NLGN1: variants seen among roughly 807,000 people sequenced by gnomAD.
NLGN1 encodes the protein neuroligin 1.
A neutral mutation model predicts 65.5 loss-of-function variants in NLGN1; 12 were observed. The observed-to-expected ratio is 0.18, with a 90% CI of 0.12 to 0.30. The LOEUF is 0.30. Ranked by LOEUF, NLGN1 falls within the 10% of genes least tolerant of loss-of-function variation. The pLI, the probability that NLGN1 is intolerant of heterozygous loss-of-function variation, is 1.00. For missense variants in NLGN1, 750 were observed against 1,007.1 expected, an observed-to-expected ratio of 0.74 and a Z score of 3.46; for synonymous variants, 350 against 359.5, an observed-to-expected ratio of 0.97 and a Z score of 0.30.
At chr3:173,432,379 G>T (rs1409761879) in intron 1 of NLGN1, among the ~76,000 whole-genome samples, 1 of 152,134 alleles carries the variant, frequency 6.6e-6, no homozygotes, top group Non-Finnish European at 1.5e-5. Context: ...CCACCTCCTT[G>T]CCAGCATTTA....
chr3:174,181,653 G>A (rs964184965), intron 4 of NLGN1, among the ~76,000 whole-genome samples: 7 of 152,014 alleles, frequency 4.6e-5, no homozygotes, highest in Non-Finnish European at 1.0e-4. Context: ...AGTCAGCCGG[G>A]CTCAGTGGCT....
Position 173,585,602 on chromosome 3 carries a change from TG to T in NLGN1, c.-320-18676del, listed in dbSNP as rs140002637. On this transcript the variant is annotated intron_variant, in intron 2 of 6. Coordinates refer to ENST00000457714, the Ensembl canonical transcript of NLGN1. ...GGGTGGCTGGCCACACATGTTGTCT[TG>T]TAATTCACTTGCACGACTTTCCATA... 4.3e-3 allele frequency among the ~76,000 whole-genome samples: 648 copies of T among 152,302 alleles called. 5 individuals carry two copies. The highest frequency in any genetic ancestry group is 0.015 in the African/African-American group (606 of 41,564).
intron 2 of NLGN1, among the ~76,000 whole-genome samples, chr3:173,542,120 A>G (rs1406849210): frequency 6.6e-6 from 1 of 151,924 alleles, no homozygotes; most frequent in Non-Finnish European, 1.5e-5. Flanking sequence ...TATTTTTAAT[A>G]TAATTGGTTT....
chr3:173,428,732 C>T (rs533339261), intron 1 of NLGN1, among the ~76,000 whole-genome samples: 1 of 151,994 alleles, frequency 6.6e-6, no homozygotes, highest in South Asian at 2.1e-4. Context: ...TTGCCTTTTC[C>T]ATTGTTTTAT....
intron 4 of NLGN1, among the ~76,000 whole-genome samples, chr3:174,053,874 A>T (rs796490396): frequency 2.6e-5 from 4 of 152,124 alleles, no homozygotes; most frequent in African/African-American, 9.6e-5. Context: ...CTTATATTGA[A>T]TATATTCCCT....
intron 4 of NLGN1, among the ~76,000 whole-genome samples, chr3:174,073,329 G>A (rs1295367720): frequency 1.3e-5 from 2 of 152,044 alleles, no homozygotes; most frequent in Non-Finnish European, 2.9e-5. Context: ...GATTAGCTAA[G>A]AGGTTATGCT....
intron 4 of NLGN1, among the ~76,000 whole-genome samples, chr3:174,180,049 AAG>A (rs2152745225): frequency 6.6e-6 from 1 of 152,260 alleles, no homozygotes; most frequent in South Asian, 2.1e-4. Flanking sequence ...AGTAAAATAA[AAG>A]AGCTGTCAAG....
chr3:173,564,216 C>T lies in NLGN1; in HGVS notation c.-320-40063C>T, dbSNP rs74678193. 0.01 allele frequency among the ~76,000 whole-genome samples: 1,569 copies of T among 152,322 alleles called. 37 individuals are homozygous for T. In the East Asian group the frequency reaches 0.1, roughly 10 times the overall value. ...GTTAGCTTTCTCATCACACCTTCCA[C>T]GTGTTGTAGGCACAGGTTTCCGTTA... On this transcript the variant is annotated intron_variant, in intron 2 of 6. Coordinates refer to ENST00000457714, the Ensembl canonical transcript of NLGN1.
At chr3:174,170,161 A>C (rs1308296088) in intron 4 of NLGN1, among the ~76,000 whole-genome samples, 2 of 151,854 alleles carry the variant, frequency 1.3e-5, no homozygotes, top group African/African-American at 4.8e-5. Context: ...ATCTTTATGT[A>C]CTATCTTGCT....
chr3:173,423,465 G>T (rs190532720), intron 1 of NLGN1, among the ~76,000 whole-genome samples: 11 of 152,238 alleles, frequency 7.2e-5, no homozygotes, highest in Admixed American at 5.2e-4. Flanking sequence ...TCAAAAGCAA[G>T]TTAGTTACCT....
chr3:173,808,862 A>G (rs1717257781), intron 4 of NLGN1, among the ~76,000 whole-genome samples: 1 of 152,180 alleles, frequency 6.6e-6, no homozygotes, highest in African/African-American at 2.4e-5. Context: ...GTAGTATCAT[A>G]TCTTTTATCC....
chr3:173,444,974 A>AT (rs397726915), intron 2 of NLGN1, among the ~76,000 whole-genome samples: 1 of 151,512 alleles, frequency 6.6e-6, no homozygotes, highest in Non-Finnish European at 1.5e-5. Context: ...TAAAAAAAAA[A>AT]CAAGGACTTG....
chr3:173,756,357 A>G (rs1455707845), intron 3 of NLGN1, among the ~76,000 whole-genome samples: 2 of 151,916 alleles, frequency 1.3e-5, no homozygotes, highest in Non-Finnish European at 2.9e-5. Context: ...TGAAGAGAAA[A>G]ACAAGTCATG....
chr3:173,668,791 T>A (rs1199508687), intron 3 of NLGN1, among the ~76,000 whole-genome samples: 2 of 151,824 alleles, frequency 1.3e-5, no homozygotes. Flanking sequence ...GCCCAGCTAA[T>A]TTTTGTATTT....
chr3:173,805,234 C>CT (rs985847899), intron 3 of NLGN1, among the ~76,000 whole-genome samples: 21 of 152,070 alleles, frequency 1.4e-4, no homozygotes, highest in African/African-American at 5.1e-4. Context: ...CCTAATAATA[C>CT]TTTTTATAAC....
chr3:173,981,362 C>G (rs553320193), intron 4 of NLGN1, among the ~76,000 whole-genome samples: 10 of 152,116 alleles, frequency 6.6e-5, no homozygotes, highest in Non-Finnish European at 1.5e-4. Context: ...GGTTTCACAG[C>G]AGACATAAAA....
intron 3 of NLGN1, among the ~76,000 whole-genome samples, chr3:173,659,429 A>G (rs776248056): frequency 3.9e-5 from 6 of 151,930 alleles, no homozygotes; most frequent in Non-Finnish European, 7.4e-5. Flanking sequence ...AGCTGAAATG[A>G]CAATCACTGC....
chr3:173,658,318 T>C (rs927555791), intron 3 of NLGN1, among the ~76,000 whole-genome samples: 1 of 151,928 alleles, frequency 6.6e-6, no homozygotes, highest in Non-Finnish European at 1.5e-5. Flanking sequence ...TGAGTCTCTG[T>C]TGGGTGTAAT....
At chr3:174,059,803 GTA>G (rs1233310827) in intron 4 of NLGN1, among the ~76,000 whole-genome samples, 1 of 152,134 alleles carries the variant, frequency 6.6e-6, no homozygotes, top group Non-Finnish European at 1.5e-5. Flanking sequence ...GAGCAGTTAA[GTA>G]ATGCTGAATT....
Sources: allele counts gnomAD v4.1 joint callset (sites outside exome capture counted in the v4.1 genomes callset), GRCh38; gene constraint gnomAD v4.1.1; transcripts MANE v1.5; gene names NCBI Gene and HGNC (gene_info 2026-07-23, HGNC 2026-07-21).